Variants in ATP8A2 observed in about 807,000 individuals in gnomAD.
ATP8A2 encodes the protein ATPase phospholipid transporting 8A2.
A neutral mutation model predicts 165.6 loss-of-function variants in ATP8A2; 100 were observed. The observed-to-expected ratio is 0.60, with a 90% confidence interval of 0.51 to 0.71. The LOEUF is 0.71. ATP8A2 is among the 30% of genes least tolerant of loss of function. The pLI is 0.00. For synonymous variants in ATP8A2, 543 were observed against 548.8 expected, an observed-to-expected ratio of 0.99 and a Z score of 0.15; for missense variants, 1,227 against 1,479.5, an observed-to-expected ratio of 0.83 and a Z score of 2.80.
At position 25,809,040 on chromosome 13, in the gene ATP8A2, G is replaced by A. The variant is rs143626542; in HGVS notation, c.2680-19078G>A. Reference sequence around the variant, plus strand: ...CAAACTGTGCTGTTGAAATTTACACGCTACATCTTCAGTTGTCTGACTTGG... The same window carrying A: ...CAAACTGTGCTGTTGAAATTTACACACTACATCTTCAGTTGTCTGACTTGG... On this transcript the variant is annotated intron_variant, in intron 27 of 36. Coordinates refer to ENST00000381655, the MANE Select transcript of ATP8A2 (RefSeq NM_016529.6). Among the ~76,000 whole-genome samples the A allele has an allele frequency of 9.6e-4, 146 of 152,212 alleles. 1 individual carries two copies. The East Asian group carries it at 0.018, about 19-fold the overall frequency.
chr13:25,868,454 C>T (rs777627330), intron 33 of ATP8A2, among the ~76,000 whole-genome samples: 3 of 152,148 alleles, frequency 2.0e-5, no homozygotes, highest in Non-Finnish European at 4.4e-5. Context: ...ATTCACCTTT[C>T]GGTTTGGAAT....
At chr13:25,836,813 G>C (rs927099873) in intron 28 of ATP8A2, among the ~76,000 whole-genome samples, 1 of 152,170 alleles carries the variant, frequency 6.6e-6, no homozygotes, top group Non-Finnish European at 1.5e-5. Flanking sequence ...TAAATTTTAC[G>C]TCAGCTAGCG....
At chr13:25,458,385 G>GT (rs542552268) in intron 1 of ATP8A2, among the ~76,000 whole-genome samples, 1 of 152,154 alleles carries the variant, frequency 6.6e-6, no homozygotes, top group Non-Finnish European at 1.5e-5. Flanking sequence ...ACCTAAGCAG[G>GT]TTTTTTGTTT....
chr13:25,483,702 A>C (rs2036273195), intron 2 of ATP8A2, among the ~76,000 whole-genome samples: 1 of 152,192 alleles, frequency 6.6e-6, no homozygotes, highest in South Asian at 2.1e-4. Flanking sequence ...GGAGTTTGAC[A>C]CCAGCCTGGG....
At chr13:25,860,512 C>T (rs912641320) in intron 31 of ATP8A2, among the ~76,000 whole-genome samples, 2 of 152,142 alleles carry the variant, frequency 1.3e-5, no homozygotes, top group Non-Finnish European at 2.9e-5. Context: ...TTACACCTAC[C>T]TGCAAAGGAA....
rs1239593663 is a variant in ATP8A2, at chr13:26,022,791, C to G, written c.*2806C>G. 1 of 152,238 alleles carries G rather than the reference C, an allele frequency of 6.6e-6. No homozygotes were observed. The highest frequency in any genetic ancestry group is 1.5e-5 in the Non-Finnish European group (1 of 68,070). 9.4% of individuals were successfully genotyped at this position (152,238 alleles called of 1,614,324 possible). On this transcript the variant is annotated 3_prime_UTR_variant, in exon 37 of 37. Coordinates refer to ENST00000381655, the MANE Select transcript of ATP8A2 (RefSeq NM_016529.6). ...GCTGGCTGTCAGCTCAGCAAAAATG[C>G]CACATGGGGCTTGTCACTCCGCCAG...
rs532926271 is a variant in ATP8A2 at position 25,781,256 on chromosome 13, G to A, written c.2679+6297G>A. Reference sequence around the variant, plus strand: ...TGCACTCCAGCCTGGGTGACAGAGTGAGACTGCGTCTCAAAAAAAAAAGTG... The same window carrying A: ...TGCACTCCAGCCTGGGTGACAGAGTAAGACTGCGTCTCAAAAAAAAAAGTG... On this transcript the variant is annotated intron_variant, in intron 27 of 36. Coordinates refer to ENST00000381655, the MANE Select transcript of ATP8A2 (RefSeq NM_016529.6). Among the ~76,000 whole-genome samples, 349 of 152,182 alleles carry A rather than the reference G, an allele frequency of 2.3e-3. 1 individual carries two copies. The highest frequency in any genetic ancestry group is 7.3e-3 in the African/African-American group (302 of 41,542).
At chr13:25,534,582 C>T (rs1274977551) in intron 6 of ATP8A2, among the ~76,000 whole-genome samples, 5 of 152,148 alleles carry the variant, frequency 3.3e-5, no homozygotes, top group Non-Finnish European at 5.9e-5. Flanking sequence ...TTTGCAGACT[C>T]CTAAAACTCA....
intron 26 of ATP8A2, among the ~76,000 whole-genome samples, chr13:25,772,557 C>T (rs750989760): frequency 9.2e-5 from 14 of 151,992 alleles, no homozygotes; most frequent in African/African-American, 2.2e-4. Context: ...TGGTGAGCCC[C>T]GCGCCTTCCC....
chr13:25,995,102 AAC>A (rs1342722674), intron 35 of ATP8A2, among the ~76,000 whole-genome samples: 3 of 151,964 alleles, frequency 2.0e-5, no homozygotes, highest in Admixed American at 1.3e-4. Flanking sequence ...TGGTTTGTCA[AAC>A]ACATGTGTAG....
intron 24 of ATP8A2, among the ~76,000 whole-genome samples, chr13:25,669,262 G>A (rs922007336): frequency 6.6e-6 from 1 of 151,922 alleles, no homozygotes; most frequent in Non-Finnish European, 1.5e-5. Flanking sequence ...TCTTTACTGT[G>A]TATCATTACT....
At chr13:25,975,456 C>G (rs955729894) in intron 35 of ATP8A2, among the ~76,000 whole-genome samples, 1 of 151,800 alleles carries the variant, frequency 6.6e-6, no homozygotes, top group African/African-American at 2.4e-5. Context: ...GTGGCGGGCA[C>G]CTGTAGTCCC....
At chr13:25,740,265 C>T (rs2043880358) in intron 25 of ATP8A2, among the ~76,000 whole-genome samples, 1 of 146,086 alleles carries the variant, frequency 6.8e-6, no homozygotes, top group African/African-American at 2.6e-5. Flanking sequence ...GCTGAGATCG[C>T]GCCACTGCAC....
rs115858257 is a variant in ATP8A2, at chr13:25,591,346, G to A, written c.2211+1647G>A. On this transcript the variant is annotated intron_variant, in intron 24 of 36. Coordinates refer to ENST00000381655, the MANE Select transcript of ATP8A2 (RefSeq NM_016529.6). ...TACCTCATCCCCTGGCAGTCATTCTGCTTTGTGTCTCTATGAATTTCACAG... is the reference window on the plus strand; with the variant it reads ...TACCTCATCCCCTGGCAGTCATTCTACTTTGTGTCTCTATGAATTTCACAG... 1,873 of 456,518 alleles carry A rather than the reference G, an allele frequency of 4.1e-3. 32 individuals carry two copies. The highest frequency in any genetic ancestry group is 0.034 in the African/African-American group (1,707 of 50,116). 28.3% of individuals were successfully genotyped at this position (456,518 alleles called of 1,614,324 possible).
chr13:25,652,221 C>T (rs2041829921), intron 24 of ATP8A2, among the ~76,000 whole-genome samples: 1 of 152,162 alleles, frequency 6.6e-6, no homozygotes. Flanking sequence ...TCTTGATGCA[C>T]AATCAGGTTT....
chr13:25,964,657 G>A (rs777596872), intron 34 of ATP8A2, among the ~76,000 whole-genome samples: 1 of 152,146 alleles, frequency 6.6e-6, no homozygotes, highest in Admixed American at 6.5e-5. Context: ...ACTGAGGCAC[G>A]ATATCTGTGA....
intron 1 of ATP8A2, among the ~76,000 whole-genome samples, chr13:25,460,952 C>T (rs1279219711): frequency 6.6e-6 from 1 of 152,168 alleles, no homozygotes; most frequent in Non-Finnish European, 1.5e-5. Context: ...AAAATGGAAG[C>T]TTATGCCCCT....
chr13:25,908,545 A>G (rs1228425721), intron 33 of ATP8A2, among the ~76,000 whole-genome samples: 1 of 151,968 alleles, frequency 6.6e-6, no homozygotes, highest in African/African-American at 2.4e-5. Context: ...GCATTCCACA[A>G]CAGCTGTTCT....
At chr13:25,447,194 T>G (rs1380104235) in intron 1 of ATP8A2, among the ~76,000 whole-genome samples, 1 of 152,190 alleles carries the variant, frequency 6.6e-6, no homozygotes, top group Non-Finnish European at 1.5e-5. Flanking sequence ...TGACAAATAA[T>G]TTTTGGGGGG....
Sources: gnomAD v4.1 joint callset for allele counts (sites outside exome capture counted in the v4.1 genomes callset) on GRCh38, gnomAD v4.1.1 for gene constraint, MANE v1.5 for transcripts, NCBI Gene and HGNC (gene_info 2026-07-23, HGNC 2026-07-21) for gene names.